LRRC4C: variants seen among roughly 807,000 people sequenced by gnomAD.
LRRC4C encodes leucine rich repeat containing 4C, also known as leucine-rich repeat-containing protein 4C.
LRRC4C carries 5 observed loss-of-function variants against 33.6 expected under a neutral mutation model. The ratio of observed to expected loss-of-function variants is 0.15; its 90% confidence interval spans 0.08 to 0.31. The LOEUF (loss-of-function observed/expected upper bound fraction) is 0.31, where lower values mean the gene tolerates loss of function less well. Among genes scored for constraint, LRRC4C ranks in the 10% least tolerant of loss-of-function variants. The probability of loss-of-function intolerance (pLI) is 1.00; values close to 1 mark genes in which losing one functional copy is unlikely to be tolerated. For missense variants in LRRC4C, 560 were observed against 796.7 expected (o/e 0.70, Z 3.58); for synonymous variants, 329 against 302.0 (o/e 1.09, Z -0.93).
intron 1 of LRRC4C, among the ~76,000 whole-genome samples, chr11:41,397,465 A>C: frequency 6.6e-6 from 1 of 151,862 alleles, no homozygotes; most frequent in East Asian, 1.9e-4. Flanking sequence ...AGCTTACTTT[A>C]TTATAAAGAT....
At chr11:40,707,174 C>G (rs540460038) in intron 2 of LRRC4C, among the ~76,000 whole-genome samples, 1 of 152,122 alleles carries the variant, frequency 6.6e-6, no homozygotes, top group African/African-American at 2.4e-5. Flanking sequence ...AATTTGACTT[C>G]CTCTTTTCCT....
chr11:40,717,799 C>T (rs1946806985), intron 2 of LRRC4C, among the ~76,000 whole-genome samples: 1 of 152,160 alleles, frequency 6.6e-6, no homozygotes, highest in Non-Finnish European at 1.5e-5. Flanking sequence ...CTATCTAAAT[C>T]CATCAGCTAA....
At chr11:41,270,028 T>C (rs546270085) in intron 1 of LRRC4C, among the ~76,000 whole-genome samples, 16 of 152,270 alleles carry the variant, frequency 1.1e-4, no homozygotes, top group African/African-American at 3.8e-4. Context: ...TGAATCTCTC[T>C]GAGCCTCAGC....
intron 1 of LRRC4C, among the ~76,000 whole-genome samples, chr11:41,403,636 G>A (rs541763210): frequency 3.9e-5 from 6 of 152,150 alleles, no homozygotes; most frequent in African/African-American, 1.2e-4. Flanking sequence ...ACAAATTTGG[G>A]TTGCCGACAA....
chr11:40,646,030 TG>T (rs1352555181), intron 3 of LRRC4C, among the ~76,000 whole-genome samples: 1 of 87,922 alleles, frequency 1.1e-5, no homozygotes, highest in African/African-American at 4.7e-5. Context: ...GATTCCTCAG[TG>T]TTTTTTTTTT....
intron 3 of LRRC4C, among the ~76,000 whole-genome samples, chr11:40,467,632 T>G (rs1322464821): frequency 6.6e-6 from 1 of 152,164 alleles, no homozygotes; most frequent in African/African-American, 2.4e-5. Context: ...TTTGCAAAAC[T>G]GTTCTTGAGC....
rs568816954 is a variant in LRRC4C, at chr11:41,297,215, T to A, written c.-496+162216A>T. Among the ~76,000 whole-genome samples the A allele has an allele frequency of 6.8e-4, 104 of 152,308 alleles. 1 individual carries two copies. The highest frequency in any genetic ancestry group is 2.5e-3 in the African/African-American group (102 of 41,584). On this transcript the variant is annotated intron_variant, in intron 1 of 6. Coordinates refer to ENST00000528697, the MANE Select transcript of LRRC4C (RefSeq NM_001258419.2). ...AATTTGTGTATTTTTCAAGCAGGCA[T>A]ACACACCAGGAATAAACCCCACTTG...
intron 5 of LRRC4C, among the ~76,000 whole-genome samples, chr11:40,153,356 C>T (rs573299897): frequency 6.6e-6 from 1 of 152,040 alleles, no homozygotes; most frequent in Non-Finnish European, 1.5e-5. Context: ...AGAAAACCAA[C>T]CCTGGTAATA....
chr11:40,871,891 G>A (rs186443141), intron 2 of LRRC4C, among the ~76,000 whole-genome samples: 1 of 152,188 alleles, frequency 6.6e-6, no homozygotes, highest in African/African-American at 2.4e-5. Context: ...AAAAATCTTT[G>A]AACTTGTGTC....
intron 2 of LRRC4C, among the ~76,000 whole-genome samples, chr11:40,776,711 A>T (rs1950012958): frequency 6.6e-6 from 1 of 151,532 alleles, no homozygotes; most frequent in African/African-American, 2.4e-5. Context: ...ATTGATTTTC[A>T]TTGTCTTGAT....
intron 5 of LRRC4C, among the ~76,000 whole-genome samples, chr11:40,151,971 T>C (rs1164996538): frequency 1.3e-5 from 2 of 152,220 alleles, no homozygotes; most frequent in African/African-American, 4.8e-5. Flanking sequence ...CAGGACTAGA[T>C]TGCAGCTCAG....
At chr11:40,897,432 T>A (rs1485529043) in intron 2 of LRRC4C, among the ~76,000 whole-genome samples, 1 of 152,146 alleles carries the variant, frequency 6.6e-6, no homozygotes, top group Non-Finnish European at 1.5e-5. Flanking sequence ...AATTAATGGC[T>A]CTGCCCATTA....
chr11:40,449,250 C>T (rs1590773261), intron 3 of LRRC4C, among the ~76,000 whole-genome samples: 2 of 151,906 alleles, frequency 1.3e-5, no homozygotes, highest in Admixed American at 1.3e-4. Flanking sequence ...AAGAATTTAG[C>T]TCTGCTTCTT....
At chr11:41,160,912 A>G (rs1590794616) in intron 1 of LRRC4C, among the ~76,000 whole-genome samples, 2 of 152,188 alleles carry the variant, frequency 1.3e-5, no homozygotes, top group African/African-American at 4.8e-5. Context: ...TTCAGAAAGA[A>G]TCAACACAAT....
At chr11:40,623,104 C>T (rs1390837490) in intron 3 of LRRC4C, among the ~76,000 whole-genome samples, 1 of 151,488 alleles carries the variant, frequency 6.6e-6, no homozygotes, top group Non-Finnish European at 1.5e-5. Flanking sequence ...TTAGAATCTA[C>T]CAAGATTTGC....
intron 2 of LRRC4C, among the ~76,000 whole-genome samples, chr11:40,913,610 T>C (rs1476349807): frequency 6.6e-6 from 1 of 151,964 alleles, no homozygotes; most frequent in African/African-American, 2.4e-5. Flanking sequence ...GATCTAAAAT[T>C]GACACCCTAA....
intron 1 of LRRC4C, among the ~76,000 whole-genome samples, chr11:41,363,940 A>G (rs1181866575): frequency 6.6e-6 from 1 of 152,200 alleles, no homozygotes; most frequent in Admixed American, 6.5e-5. Flanking sequence ...AACAAGCACA[A>G]CTATTTATAA....
chr11:40,512,181 G>T (rs1050852488), intron 3 of LRRC4C, among the ~76,000 whole-genome samples: 1 of 151,620 alleles, frequency 6.6e-6, no homozygotes, highest in Non-Finnish European at 1.5e-5. Context: ...GTTATCTATC[G>T]GTATGTAACA....
At chr11:41,254,723 G>A (rs930801533) in intron 1 of LRRC4C, among the ~76,000 whole-genome samples, 5 of 152,038 alleles carry the variant, frequency 3.3e-5, no homozygotes, top group Admixed American at 3.3e-4. Context: ...ACTTGCTAGA[G>A]AAAGCACTGA....
Sources: allele counts gnomAD v4.1 joint callset (sites outside exome capture counted in the v4.1 genomes callset), GRCh38; gene constraint gnomAD v4.1.1; transcripts MANE v1.5; gene names NCBI Gene and HGNC (gene_info 2026-07-23, HGNC 2026-07-21).